RERE: variants seen among roughly 807,000 people sequenced by gnomAD.
RERE encodes arginine-glutamic acid dipeptide repeats protein.
In RERE, 40 loss-of-function variants were observed where a neutral mutation model predicts 146.1. The ratio of observed to expected loss-of-function variants is 0.27; its 90% CI spans 0.21 to 0.36. RERE has a LOEUF of 0.36. Ranked by LOEUF, RERE falls within the 10% of genes least tolerant of loss-of-function variation. The pLI is 1.00. For synonymous variants in RERE, 1,003 were observed against 866.0 expected (o/e 1.16, Z -2.78); for missense variants, 1,933 against 2,138.7 (o/e 0.90, Z 1.90).
rs981960504 is a variant in RERE at position 8,365,105 on chromosome 1, G to A, written c.1448-267C>T. Among the ~76,000 whole-genome samples the A allele has an allele frequency of 3.3e-5, 5 of 152,246 alleles. No individual in the cohort carries two copies. The East Asian group carries it at 5.8e-4, about 18-fold the overall frequency. ...AGGGCCTGCCCTGCCACTGATGCCC[G>A]TAACGGGTGAGTCTGAACTGGGACA... On this transcript the variant is annotated intron_variant, in intron 13 of 22. Coordinates refer to ENST00000400908, the MANE Select transcript of RERE (RefSeq NM_001042681.2).
At chr1:8,648,722 T>A (rs78425003) in intron 2 of RERE, among the ~76,000 whole-genome samples, 34 of 152,250 alleles carry the variant, frequency 2.2e-4, no homozygotes, top group East Asian at 1.3e-3. Context: ...CTCAAAATTG[T>A]CAAATAAAAT....
chr1:8,413,698 C>T (rs551560013), intron 12 of RERE, among the ~76,000 whole-genome samples: 2 of 152,188 alleles, frequency 1.3e-5, no homozygotes, highest in East Asian at 3.9e-4. Context: ...ATGAAATGGG[C>T]CCTTTGTGTA....
intron 1 of RERE, among the ~76,000 whole-genome samples, chr1:8,721,139 G>A (rs1006196278): frequency 2.6e-5 from 4 of 152,138 alleles, no homozygotes; most frequent in African/African-American, 9.7e-5. Flanking sequence ...CCCTAGGCTG[G>A]TAAAACTTGG....
At chr1:8,442,032 T>C (rs1644256839) in intron 11 of RERE, among the ~76,000 whole-genome samples, 1 of 151,666 alleles carries the variant, frequency 6.6e-6, no homozygotes, top group South Asian at 2.1e-4. Context: ...CCTGGGGAAG[T>C]AGAATGGAAA....
At chr1:8,402,581 T>A (rs767403890) in intron 12 of RERE, among the ~76,000 whole-genome samples, 24 of 152,168 alleles carry the variant, frequency 1.6e-4, no homozygotes, top group Non-Finnish European at 2.9e-4. Flanking sequence ...CCGGGATAAC[T>A]CCTACTTGCT....
chr1:8,721,006 A>G (rs752875837), intron 1 of RERE, among the ~76,000 whole-genome samples: 29 of 152,126 alleles, frequency 1.9e-4, no homozygotes, highest in Non-Finnish European at 4.0e-4. Context: ...CAGTGAGCCG[A>G]GATCACCACC....
At chr1:8,660,858 T>C (rs1001223203) in intron 1 of RERE, among the ~76,000 whole-genome samples, 3 of 152,202 alleles carry the variant, frequency 2.0e-5, no homozygotes, top group African/African-American at 7.2e-5. Flanking sequence ...AAATCTAATG[T>C]AGAATACATT....
intron 1 of RERE, among the ~76,000 whole-genome samples, chr1:8,673,167 C>T (rs1230849194): frequency 6.6e-6 from 1 of 152,196 alleles, no homozygotes; most frequent in East Asian, 1.9e-4. Flanking sequence ...ACGATCTCAG[C>T]TCACTGCAAC....
At position 8,557,288 on chromosome 1, in the gene RERE, C is replaced by G. The variant is rs553533279; in HGVS notation, c.628+130G>C. 9 of 626,756 alleles carry G rather than the reference C, an allele frequency of 1.4e-5. No homozygotes were observed. The African/African-American group carries it at 1.6e-4, about 11-fold the overall frequency. 38.8% of individuals were successfully genotyped at this position (626,756 alleles called of 1,614,324 possible). On this transcript the variant is annotated intron_variant, in intron 5 of 22. Coordinates refer to ENST00000400908, the MANE Select transcript of RERE (RefSeq NM_001042681.2). ...CTAACTGGTAGCCAATGTGAATCAT[C>G]AAGCATAAGGCCTACCAACACTCCA...
Position 8,423,052 on chromosome 1 carries a change from G to A in RERE, c.1204-245C>T, listed in dbSNP as rs1024520760. On this transcript the variant is annotated intron_variant, in intron 11 of 22. Coordinates refer to ENST00000400908, the MANE Select transcript of RERE (RefSeq NM_001042681.2). The surrounding 1 kb of genome is among the most constrained non-coding windows in gnomAD (Gnocchi z 5.4). ...AGGGCAGCGCGTTTAAGAGAAGGAC[G>A]TCCTGCGTCTGAGGCTAAGAAGCAA... is the stretch of plus-strand genomic sequence containing the variant. The A allele has an allele frequency of 6.2e-6, 3 of 483,216 alleles. No homozygotes were observed. The highest frequency in any genetic ancestry group is 2.5e-5 in the South Asian group (1 of 40,046). The allele number at this position is 483,216 out of a possible 1,614,324, so 29.9% of individuals were successfully genotyped here.
chr1:8,411,853 G>C (rs1038865061), intron 12 of RERE, among the ~76,000 whole-genome samples: 1 of 152,048 alleles, frequency 6.6e-6, no homozygotes, highest in East Asian at 1.9e-4. Context: ...TTTACTTTGC[G>C]AAACTAGCCA....
At chr1:8,680,664 A>G (rs562373217) in intron 1 of RERE, among the ~76,000 whole-genome samples, 180 of 152,310 alleles carry the variant, frequency 1.2e-3, no homozygotes, top group Middle Eastern at 6.8e-3. Context: ...AGAGAGACTG[A>G]AAAGTAACAT....
At chr1:8,680,812 A>G (rs1434359655) in intron 1 of RERE, among the ~76,000 whole-genome samples, 2 of 152,246 alleles carry the variant, frequency 1.3e-5, no homozygotes, top group African/African-American at 2.4e-5. Context: ...CACAGTTCAC[A>G]TTCAGCTCAG....
intron 11 of RERE, among the ~76,000 whole-genome samples, chr1:8,457,873 T>C (rs533745487): frequency 2.6e-4 from 39 of 152,236 alleles, no homozygotes; most frequent in African/African-American, 7.2e-4. Context: ...AGTGCTGGGA[T>C]TACAAGCATG....
At chr1:8,510,735 C>G (rs2124307044) in intron 7 of RERE, among the ~76,000 whole-genome samples, 1 of 152,024 alleles carries the variant, frequency 6.6e-6, no homozygotes, top group East Asian at 2.0e-4. Flanking sequence ...ACAAGTAGGT[C>G]TAGCCAGAAT....
intron 6 of RERE, among the ~76,000 whole-genome samples, chr1:8,544,554 T>C (rs1167702282): frequency 6.6e-6 from 1 of 152,162 alleles, no homozygotes; most frequent in Non-Finnish European, 1.5e-5. Flanking sequence ...ATTCCACTTA[T>C]ATGAGCTTTA....
At chr1:8,548,911 G>C (rs935993429) in intron 6 of RERE, among the ~76,000 whole-genome samples, 1 of 152,190 alleles carries the variant, frequency 6.6e-6, no homozygotes, top group African/African-American at 2.4e-5. Context: ...ATGAACCCAG[G>C]AGGCAGAGGT....
chr1:8,625,570 T>A (rs913329622), intron 2 of RERE, among the ~76,000 whole-genome samples: 2 of 152,178 alleles, frequency 1.3e-5, no homozygotes, highest in African/African-American at 4.8e-5. Context: ...CCTCCCAAAG[T>A]GCTGTGATTA....
At chr1:8,478,688 C>T (rs1248327263) in intron 10 of RERE, among the ~76,000 whole-genome samples, 2 of 152,142 alleles carry the variant, frequency 1.3e-5, no homozygotes, top group Middle Eastern at 3.2e-3. Flanking sequence ...AAACAGACAC[C>T]AGAGACTTGA....
Sources: allele counts gnomAD v4.1 joint callset (sites outside exome capture counted in the v4.1 genomes callset), GRCh38; gene constraint gnomAD v4.1.1; non-coding constraint Gnocchi (gnomAD v3.1); transcripts MANE v1.5; gene names NCBI Gene and HGNC (gene_info 2026-07-23, HGNC 2026-07-21).